Variants in PRAM1 observed in about 807,000 individuals in gnomAD.
PRAM1 encodes the protein PML-RARA regulated adaptor molecule 1, also known as PML-RARA-regulated adapter molecule 1.
In PRAM1, 41 loss-of-function variants were observed where a neutral mutation model predicts 55.3. That is an observed-to-expected ratio of 0.74 (90% confidence interval 0.58 to 0.96). The LOEUF is 0.96. PRAM1 is among the 40% of genes least tolerant of loss of function. The pLI is 0.00. For missense variants in PRAM1, 898 were observed against 892.7 expected (o/e 1.01, Z -0.08); for synonymous variants, 401 against 387.1 (o/e 1.04, Z -0.42).
Position 8,490,528 on chromosome 19 carries a change from T to C in PRAM1, c.1907-19A>G. The C allele has an allele frequency of 1.9e-6, 3 of 1,608,164 alleles. No individual in the cohort carries two copies. Among genetic ancestry groups the C allele is most frequent in the Non-Finnish European group, 2.5e-6 (3 of 1,177,538 alleles). Reference sequence around the variant, plus strand: ...TAGCCATCTGTGGAGAGAGTGGGCATGGTGGGTTCTGAGGCCCAGGGTGGC... The same window carrying C: ...TAGCCATCTGTGGAGAGAGTGGGCACGGTGGGTTCTGAGGCCCAGGGTGGC... On this transcript the variant is annotated intron_variant, in intron 7 of 9. Coordinates refer to ENST00000423345, the MANE Select transcript of PRAM1 (RefSeq NM_032152.5). This position sits in a 1 kb window ranked among gnomAD's most constrained non-coding sequence, Gnocchi z 7.3.
chr19:8,498,162 G>A (rs886561693), intron 3 of PRAM1, 61 bp downstream of exon 3: 27 of 1,546,486 alleles, frequency 1.7e-5, no homozygotes, highest in South Asian at 2.3e-5. Flanking sequence ...GCTCCAGGCC[G>A]AGATGAGGCC....
chr19:8,497,744 C>A lies in PRAM1; in HGVS notation c.1576+20G>T. 6.3e-7 allele frequency: 1 copy of A among 1,591,186 alleles called. No homozygotes were observed. Among genetic ancestry groups the A allele is most frequent in the Non-Finnish European group, 8.5e-7 (1 of 1,171,616 alleles). On this transcript the variant is annotated intron_variant, in intron 4 of 9. Transcript: ENST00000423345. The stretch of plus-strand genomic sequence containing the variant: ...TTGCCCCGAATGTTTTGCAGGGACT[C>A]GGGCAGGCCACCAACAAACCTCTGC...
At position 8,499,153 on chromosome 19, in the gene PRAM1, G is replaced by A. The variant is rs766830807; in HGVS notation, c.655C>T (p.Pro219Ser). The change falls in exon 2 of 10, where the codon CCT becomes TCT. Residue 219 changes from proline (P) to serine (S), a missense_variant. Physicochemically the swap from Pro to Ser is moderately conservative, Grantham distance 74. Transcript: ENST00000423345. ...TTTTTGGGGTACACGTTGAACTCAG[G>A]CTGCGCAGGCTTCTTGGGAAAGGTA... ...LSTFPKKPAQPEFNVYPKKPP... is the reference protein window; with the variant it reads ...LSTFPKKPAQSEFNVYPKKPP... The A allele has an allele frequency of 6.2e-7, 1 of 1,613,888 alleles. No homozygotes were observed. Among genetic ancestry groups the A allele is most frequent in the South Asian group, 1.1e-5 (1 of 91,080 alleles).
At position 8,499,025 on chromosome 19, in the gene PRAM1, C is replaced by T. The variant is rs1971754218; in HGVS notation, c.783G>A (p.Glu261=). Residue 261 remains glutamate, a synonymous_variant, in exon 2 of 10, where the codon GAG becomes GAA. Transcript: ENST00000423345. ...QTPLWKPQSS[E]PKRDSSAFPK... The stretch of plus-strand genomic sequence containing the variant: ...GAAAGGCGCTGGAGTCGCGCTTCGG[C>T]TCGCTGGACTGAGGCTTCCAGAGGG... 3 of 1,613,552 alleles carry T rather than the reference C, an allele frequency of 1.9e-6. No individual in the cohort carries two copies. The highest frequency in any genetic ancestry group is 2.5e-6 in the Non-Finnish European group (3 of 1,179,800).
At chr19:8,501,443 G>C (rs1163438781) in intron 1 of PRAM1, among the ~76,000 whole-genome samples, 2 of 149,362 alleles carry the variant, frequency 1.3e-5, no homozygotes, top group African/African-American at 4.9e-5. Context: ...CAGCATGCAT[G>C]ATTTTCTCCA....
At chr19:8,494,344 C>T (rs1971668334) in intron 4 of PRAM1, among the ~76,000 whole-genome samples, 1 of 152,214 alleles carries the variant, frequency 6.6e-6, no homozygotes, top group Admixed American at 6.5e-5. Context: ...ACGGTGGCCC[C>T]CAGACCCAAG....
chr19:8,497,264 G>T (rs558976171), intron 4 of PRAM1, among the ~76,000 whole-genome samples: 2 of 149,442 alleles, frequency 1.3e-5, no homozygotes, highest in Non-Finnish European at 3.0e-5. Context: ...CTGCAGTCTC[G>T]ACCTCCTGGA....
At chr19:8,501,421 C>T (rs1387437636) in intron 1 of PRAM1, among the ~76,000 whole-genome samples, 1 of 151,866 alleles carries the variant, frequency 6.6e-6, no homozygotes, top group African/African-American at 2.4e-5. Context: ...CATCCCACTA[C>T]TGCCCTGCAT....
chr19:8,499,848 G>C, intron 1 of PRAM1, 68 bp from the exon 2 acceptor site: 1 of 1,342,828 alleles, frequency 7.4e-7, no homozygotes, highest in Non-Finnish European at 1.0e-6. Context: ...GATGGGCCTG[G>C]GGACCCTCAG....
In PRAM1 at chr19:8,490,204, G is replaced by A. The variant is rs1020693217; in HGVS notation, c.1998C>T (p.Leu666=). The A allele has an allele frequency of 6.3e-7, 1 of 1,592,968 alleles. No homozygotes were observed. Among genetic ancestry groups the A allele is most frequent in the East Asian group, 2.3e-5 (1 of 44,436 alleles). The part of the protein sequence containing the change: ...DFCDPLENQP[L]PLGR ...CCTACCGGTCTTACCGTCCCAGGGG[G>A]AGTGGTTGGTTTTCCAGGGGATCTG... The change falls in exon 10 of 10, where the codon CTC becomes CTT. Residue 666 remains leucine (L), a synonymous_variant. Coordinates refer to ENST00000423345, the MANE Select transcript of PRAM1 (RefSeq NM_032152.5). This position sits in a 1 kb window ranked among gnomAD's most constrained non-coding sequence, Gnocchi z 7.3.
chr19:8,496,806 G>A (rs1250193420), intron 4 of PRAM1, among the ~76,000 whole-genome samples: 8 of 152,094 alleles, frequency 5.3e-5, no homozygotes, highest in African/African-American at 9.7e-5. Flanking sequence ...GGGAGGCCAA[G>A]GCAGGTGGAT....
Position 8,498,492 on chromosome 19 carries a change from G to A in PRAM1, c.1316C>T (p.Pro439Leu), listed in dbSNP as rs768485705. Reference protein sequence around the residue: ...ARPGLRPSHPPRRRPLPPASS... With the variant: ...ARPGLRPSHPLRRRPLPPASS... The stretch of plus-strand genomic sequence containing the variant: ...GGCAGGGGGCAGAGGCCTCCGCCGG[G>A]GTGGATGGCTGGGTCTGAGGCCTGG... The change falls in exon 2 of 10, where the codon CCC (proline) becomes CTC (leucine). Residue 439 changes from proline to leucine, a missense_variant. Around this residue, in one of 4 missense-constraint regions of PRAM1, gnomAD observed 787 missense variants for 735.4 expected, o/e 1.07. Coordinates refer to ENST00000423345, the MANE Select transcript of PRAM1 (RefSeq NM_032152.5). 1.9e-6 allele frequency: 3 copies of A among 1,595,004 alleles called. No homozygotes were observed. The highest frequency in any genetic ancestry group is 1.7e-5 in the Admixed American group (1 of 58,610).
In PRAM1 at chr19:8,499,006, C is replaced by T. The variant is rs1195075574; in HGVS notation, c.802G>A (p.Ala268Thr). The T allele has an allele frequency of 2.5e-6, 4 of 1,613,752 alleles. No homozygotes were observed. The Admixed American group carries it at 5.0e-5, about 20-fold the overall frequency. Residue 268 changes from alanine to threonine, a missense_variant, in exon 2 of 10, where the codon GCC becomes ACC. Coordinates refer to ENST00000423345, the MANE Select transcript of PRAM1 (RefSeq NM_032152.5). Reference sequence around the variant, plus strand: ...GGCTGGGAGGCCTTTTTGGGAAAGGCGCTGGAGTCGCGCTTCGGCTCGCTG... The same window carrying T: ...GGCTGGGAGGCCTTTTTGGGAAAGGTGCTGGAGTCGCGCTTCGGCTCGCTG... Reference protein sequence around the residue: ...QSSEPKRDSSAFPKKASQPPL... With the variant: ...QSSEPKRDSSTFPKKASQPPL...
intron 3 of PRAM1, among the ~76,000 whole-genome samples, 191 bp from the exon 4 acceptor site, chr19:8,498,031 C>G (rs1161496408): frequency 6.6e-6 from 1 of 151,712 alleles, no homozygotes; most frequent in South Asian, 2.1e-4. Context: ...ACAGGTGCCC[C>G]CCACCACACC....
Position 8,499,323 on chromosome 19 carries a change from G to A in PRAM1, c.485C>T (p.Ala162Val), listed in dbSNP as rs1971763865. 6.2e-7 allele frequency: 1 copy of A among 1,610,286 alleles called. No individual in the cohort carries two copies. The highest frequency in any genetic ancestry group is 8.5e-7 in the Non-Finnish European group (1 of 1,178,700). ...GGGCTGCAGGGGTTTCCGGGCCGGC[G>A]CACCAGGCTCCGGCAGCGAGGCCTT... ...PLKASLPEPGAPARKPLQPDE... is the reference protein window; with the variant it reads ...PLKASLPEPGVPARKPLQPDE... Residue 162 changes from alanine (A) to valine (V), a missense_variant, in exon 2 of 10, where the codon GCG becomes GTG. Ala to Val is a moderately conservative substitution (Grantham distance 64, BLOSUM62 0). This residue lies in a region of PRAM1 where 787 missense variants were observed against 735.4 expected (regional missense o/e 1.07). Coordinates refer to ENST00000423345, the MANE Select transcript of PRAM1 (RefSeq NM_032152.5).
Position 8,498,267 on chromosome 19 carries a change from G to T in PRAM1, c.1455C>A (p.Ala485=), listed in dbSNP as rs765557584. 1.1e-5 allele frequency: 17 copies of T among 1,612,716 alleles called. No homozygotes were observed. Among genetic ancestry groups the T allele is most frequent in the Non-Finnish European group, 1.4e-5 (16 of 1,179,582 alleles). The change falls in exon 3 of 10, where the codon GCC becomes GCA. Residue 485 remains alanine, a synonymous_variant. Coordinates refer to ENST00000423345, the MANE Select transcript of PRAM1 (RefSeq NM_032152.5). ...GTCGGTCCTGGAAGTGGAGCCCAGC[G>T]GCCGAGCGGGTCCTCCGTAGATCTG... ...ASIDLRRTRS[A]AGLHFQDRQP...
In PRAM1 at chr19:8,490,430, A is replaced by G. The variant is rs1178278791; in HGVS notation, c.1940+46T>C. On this transcript the variant is annotated intron_variant, in intron 8 of 9. Transcript: ENST00000423345. The surrounding 1 kb of genome is among the most constrained non-coding windows in gnomAD (Gnocchi z 7.3). ...CCGTGGCCCATTCCCCCCACCCTGC[A>G]CCACACACCCCGCACTCCCCCACCA... 4 of 1,613,406 alleles carry G rather than the reference A, an allele frequency of 2.5e-6. No homozygotes were observed. In the South Asian group the frequency reaches 3.3e-5, roughly 13 times the overall value.
rs1253837425 is a variant in PRAM1, at chr19:8,497,844, C to A, written c.1500-4G>T. On this transcript the variant is annotated splice_polypyrimidine_tract_variant and splice_region_variant and intron_variant, in intron 3 of 9. Transcript: ENST00000423345. ...CTCGTAGATCTCATCTGGGACCCTG[C>A]GGGGATACCTGAGATGAGGCCTCTT... The A allele has an allele frequency of 1.9e-6, 2 of 1,075,982 alleles. No individual in the cohort carries two copies. Among genetic ancestry groups the A allele is most frequent in the African/African-American group, 3.4e-5 (2 of 58,060 alleles). 66.7% of individuals were successfully genotyped at this position (1,075,982 alleles called of 1,614,324 possible). A position where few individuals can be genotyped will look rare whatever the true frequency, so the allele number is the denominator to read the frequency against.
intron 4 of PRAM1, among the ~76,000 whole-genome samples, chr19:8,492,549 A>AC (rs958350918): frequency 1.3e-5 from 2 of 151,922 alleles, no homozygotes; most frequent in African/African-American, 4.8e-5. Context: ...GAGCCACTGC[A>AC]CCCGGTAGGT....
Sources: gnomAD v4.1 joint callset for allele counts (sites outside exome capture counted in the v4.1 genomes callset) on GRCh38, gnomAD v4.1.1 for gene constraint, gnomAD v4.1.1 regional missense constraint, Gnocchi (gnomAD v3.1) non-coding constraint, MANE v1.5 for transcripts, NCBI Gene and HGNC (gene_info 2026-07-23, HGNC 2026-07-21) for gene names.